LPP: variants seen among roughly 807,000 people sequenced by gnomAD.
LPP encodes the protein LIM domain containing preferred translocation partner in lipoma, also known as lipoma-preferred partner.
A neutral mutation model predicts 60.4 loss-of-function variants in LPP; 38 were observed. The ratio of observed to expected loss-of-function variants is 0.63; its 90% confidence interval spans 0.49 to 0.83. The LOEUF is 0.83. LPP is among the 40% of genes least tolerant of loss of function. The pLI is 0.00. For synonymous variants in LPP, 328 were observed against 290.8 expected, an observed-to-expected ratio of 1.13 and a Z score of -1.30; for missense variants, 902 against 783.6, an observed-to-expected ratio of 1.15 and a Z score of -1.80.
At chr3:188,519,474 A>G (rs1160232712) in intron 5 of LPP, among the ~76,000 whole-genome samples, 1 of 152,232 alleles carries the variant, frequency 6.6e-6, no homozygotes, top group Non-Finnish European at 1.5e-5. Context: ...ATATCATTTT[A>G]TGATGTGATC....
intron 3 of LPP, among the ~76,000 whole-genome samples, chr3:188,384,124 A>G (rs947813231): frequency 1.3e-5 from 2 of 152,160 alleles, no homozygotes; most frequent in African/African-American, 4.8e-5. Flanking sequence ...CATTAGAAAT[A>G]TTTTGCTCCA....
At chr3:188,845,443 A>G (rs747855481) in intron 9 of LPP, among the ~76,000 whole-genome samples, 8 of 152,230 alleles carry the variant, frequency 5.3e-5, no homozygotes, top group Admixed American at 1.3e-4. Context: ...ACTGAATTAC[A>G]ATAATATCCA....
At chr3:188,496,386 C>T (rs1810225910) in intron 5 of LPP, among the ~76,000 whole-genome samples, 1 of 152,186 alleles carries the variant, frequency 6.6e-6, no homozygotes, top group African/African-American at 2.4e-5. Context: ...CTCAGCCTCC[C>T]AAAGTGCTGG....
At chr3:188,526,855 G>A (rs555248555) in intron 6 of LPP, among the ~76,000 whole-genome samples, 3 of 152,304 alleles carry the variant, frequency 2.0e-5, no homozygotes, top group South Asian at 4.1e-4. Context: ...ATAGGACTCC[G>A]TTGTAATCTT....
chr3:188,271,403 A>G (rs1049217103), intron 2 of LPP, among the ~76,000 whole-genome samples: 5 of 152,198 alleles, frequency 3.3e-5, no homozygotes, highest in Non-Finnish European at 7.3e-5. Flanking sequence ...CTGTGGAAGA[A>G]GTGGGAGCAG....
At chr3:188,259,043 A>G (rs779952154) in intron 2 of LPP, among the ~76,000 whole-genome samples, 5 of 152,070 alleles carry the variant, frequency 3.3e-5, no homozygotes, top group Non-Finnish European at 7.4e-5. Flanking sequence ...TCTTCCCCTC[A>G]CCAGATTTTC....
intron 7 of LPP, among the ~76,000 whole-genome samples, chr3:188,620,900 ATGCCTAATATAGTAC>A (rs1287256591): frequency 6.6e-6 from 1 of 152,188 alleles, no homozygotes; most frequent in Non-Finnish European, 1.5e-5. Flanking sequence ...TTGTTTCTGT[ATGCCTAATATAGTAC>A]ATTGCATGTA....
In LPP at chr3:188,592,557, G is replaced by GTTTGTTTTTTTTTTTTTTTTTTT. The variant is rs1260656926; in HGVS notation, c.430-16601_430-16600insGTTTTTTTTTTTTTTTTTTTTTT. On this transcript the variant is annotated intron_variant, in intron 6 of 11. Coordinates refer to ENST00000617246, the MANE Select transcript of LPP (RefSeq NM_001375462.1). Reference sequence around the variant, plus strand: ...TATCACTGTTTTTAGTTTTGTTTTTGTTTTTTAAATGGAGTCTCACTCTTT... The same window carrying GTTTGTTTTTTTTTTTTTTTTTTT: ...TATCACTGTTTTTAGTTTTGTTTTTGTTTGTTTTTTTTTTTTTTTTTTTTTTTTTAAATGGAGTCTCACTCTTT... Among the ~76,000 whole-genome samples, 656 of 85,506 alleles carry GTTTGTTTTTTTTTTTTTTTTTTT rather than the reference G, an allele frequency of 7.7e-3. 19 individuals carry two copies. The highest frequency in any genetic ancestry group is 0.018 in the South Asian group (31 of 1,740). 56.1% of individuals were successfully genotyped at this position (85,506 alleles called of 152,430 possible).
intron 8 of LPP, among the ~76,000 whole-genome samples, chr3:188,730,261 C>T (rs943477756): frequency 1.3e-5 from 2 of 152,188 alleles, no homozygotes; most frequent in Non-Finnish European, 2.9e-5. Context: ...GAAATCATCT[C>T]CTAATTCTGA....
At chr3:188,632,155 G>C (rs1347884371) in intron 7 of LPP, among the ~76,000 whole-genome samples, 1 of 151,840 alleles carries the variant, frequency 6.6e-6, no homozygotes, top group African/African-American at 2.4e-5. Flanking sequence ...CCTTACCTCT[G>C]TCTTTTCCTC....
chr3:188,836,190 T>G (rs1201196687), intron 9 of LPP, among the ~76,000 whole-genome samples: 1 of 152,254 alleles, frequency 6.6e-6, no homozygotes, highest in Non-Finnish European at 1.5e-5. Flanking sequence ...CCCACTGTTT[T>G]TATTTCTCTT....
intron 2 of LPP, among the ~76,000 whole-genome samples, chr3:188,272,495 A>G (rs1444791053): frequency 1.3e-5 from 2 of 152,142 alleles, no homozygotes; most frequent in Non-Finnish European, 2.9e-5. Flanking sequence ...GTTTTTGGGA[A>G]GCGTTTGCTT....
chr3:188,721,592 T>C (rs1463611082), intron 8 of LPP, among the ~76,000 whole-genome samples: 1 of 152,090 alleles, frequency 6.6e-6, no homozygotes, highest in Non-Finnish European at 1.5e-5. Flanking sequence ...GTTCATTTCA[T>C]GCACCAGCTA....
At chr3:188,244,169 C>G (rs536011101) in intron 2 of LPP, among the ~76,000 whole-genome samples, 1 of 152,220 alleles carries the variant, frequency 6.6e-6, no homozygotes, top group Non-Finnish European at 1.5e-5. Context: ...CTGCGCCCAG[C>G]GCACATACAA....
At chr3:188,751,164 T>G (rs1270579394) in intron 8 of LPP, among the ~76,000 whole-genome samples, 3 of 152,124 alleles carry the variant, frequency 2.0e-5, no homozygotes, top group African/African-American at 7.2e-5. Context: ...AAAAACCCCT[T>G]TGGGTTCCCT....
intron 9 of LPP, among the ~76,000 whole-genome samples, chr3:188,827,385 C>A (rs935327925): frequency 2.6e-5 from 4 of 152,156 alleles, no homozygotes; most frequent in Non-Finnish European, 5.9e-5. Context: ...ACGTTTAAGT[C>A]CCTGCCTATA....
rs1030809587 is a variant in LPP at position 188,804,891 on chromosome 3, G to T, written c.1410+44609G>T. On this transcript the variant is annotated intron_variant, in intron 9 of 11. Transcript: ENST00000617246. The stretch of plus-strand genomic sequence containing the variant: ...TTCCTTCTTTTCATTAGTTTTCTGG[G>T]AGGTTTAATCATGAAAGTGTGTTGA... Among the ~76,000 whole-genome samples the T allele has an allele frequency of 3.3e-5, 5 of 152,002 alleles. No individual in the cohort carries two copies. In the South Asian group the frequency reaches 8.3e-4, roughly 25 times the overall value.
At chr3:188,509,870 G>GTCGTTTTTTTTTTT (rs1560498059) in intron 5 of LPP, among the ~76,000 whole-genome samples, 3 of 44,154 alleles carry the variant, frequency 6.8e-5, no homozygotes, top group South Asian at 1.5e-3. Flanking sequence ...TTTTTTTTTT[G>GTCGTTTTTTTTTTT]TTGTTTTTTT....
chr3:188,162,993 T>C (rs1457667789), intron 1 of LPP, among the ~76,000 whole-genome samples: 1 of 152,184 alleles, frequency 6.6e-6, no homozygotes, highest in Non-Finnish European at 1.5e-5. Flanking sequence ...GAGTATAGTG[T>C]GCCCGCAAAA....
Sources: allele counts gnomAD v4.1 joint callset (sites outside exome capture counted in the v4.1 genomes callset), GRCh38; gene constraint gnomAD v4.1.1; transcripts MANE v1.5; gene names NCBI Gene and HGNC (gene_info 2026-07-23, HGNC 2026-07-21).